AFF3: variants seen among roughly 807,000 people sequenced by gnomAD.
AFF3 encodes the protein ALF transcription elongation factor 3, also known as AF4/FMR2 family member 3.
A neutral mutation model predicts 129.7 loss-of-function variants in AFF3; 32 were observed. That is an observed-to-expected ratio of 0.25 (90% CI 0.19 to 0.33). The LOEUF (loss-of-function observed/expected upper bound fraction) is 0.33. AFF3 is among the 10% of genes least tolerant of loss of function. The pLI, the probability that AFF3 is intolerant of heterozygous loss-of-function variation, is 1.00. For missense variants in AFF3, 1,373 were observed against 1,592.0 expected (o/e 0.86, Z 2.34); for synonymous variants, 644 against 635.4 (o/e 1.01, Z -0.20).
Position 99,650,014 on chromosome 2 carries a change from T to A in AFF3, c.1144-348A>T, listed in dbSNP as rs542511144. ...AAATCACTTTCCCATTGCTTTATTG[T>A]CCTTTCCTATAAGAAAACAAAAAGG... On this transcript the variant is annotated intron_variant, in intron 12 of 24. Transcript: ENST00000672756. Among the ~76,000 whole-genome samples, 7 of 152,320 alleles carry A rather than the reference T, an allele frequency of 4.6e-5. No individual in the cohort carries two copies. The South Asian group carries it at 1.4e-3, about 32-fold the overall frequency.
chr2:99,586,177 T>A (rs1280521589), intron 16 of AFF3, among the ~76,000 whole-genome samples: 2 of 152,206 alleles, frequency 1.3e-5, no homozygotes, highest in Non-Finnish European at 2.9e-5. Context: ...CATTTAAAAA[T>A]ATTTGGGGAC....
intron 4 of AFF3, among the ~76,000 whole-genome samples, chr2:100,015,946 G>T (rs1406876623): frequency 6.6e-6 from 1 of 152,160 alleles, no homozygotes; most frequent in Non-Finnish European, 1.5e-5. Context: ...TGATGGTGGT[G>T]GTGGTGGTGA....
intron 13 of AFF3, among the ~76,000 whole-genome samples, chr2:99,619,673 G>T (rs1190281317): frequency 1.3e-5 from 2 of 152,168 alleles, no homozygotes; most frequent in Non-Finnish European, 2.9e-5. Context: ...CAAGGACTTG[G>T]GCTCTGTCTG....
chr2:99,772,618 A>G (rs1168912277), intron 8 of AFF3, among the ~76,000 whole-genome samples: 1 of 152,200 alleles, frequency 6.6e-6, no homozygotes, highest in East Asian at 1.9e-4. Flanking sequence ...GGTGGCAATT[A>G]AAAGAAAAAT....
At chr2:99,781,605 T>A (rs1684415440) in intron 8 of AFF3, among the ~76,000 whole-genome samples, 1 of 152,216 alleles carries the variant, frequency 6.6e-6, no homozygotes, top group African/African-American at 2.4e-5. Context: ...AATTGAGTTG[T>A]CACATCAGAG....
chr2:99,801,081 G>A (rs971358598), intron 8 of AFF3, among the ~76,000 whole-genome samples: 8 of 152,012 alleles, frequency 5.3e-5, no homozygotes, highest in Admixed American at 2.0e-4. Flanking sequence ...TATTTTCACC[G>A]GTATATACCA....
chr2:99,966,743 G>A (rs1281230235), intron 7 of AFF3, among the ~76,000 whole-genome samples: 2 of 139,396 alleles, frequency 1.4e-5, no homozygotes, highest in Non-Finnish European at 3.1e-5. Context: ...AATGACAGAG[G>A]ATATAATCAG....
intron 4 of AFF3, among the ~76,000 whole-genome samples, chr2:100,012,971 A>C (rs1478314790): frequency 6.6e-6 from 1 of 152,218 alleles, no homozygotes; most frequent in Non-Finnish European, 1.5e-5. Flanking sequence ...TTTATTTTGC[A>C]TGAAAGTGGA....
At chr2:99,782,001 C>A (rs949747026) in intron 8 of AFF3, among the ~76,000 whole-genome samples, 6 of 152,170 alleles carry the variant, frequency 3.9e-5, no homozygotes, top group Admixed American at 1.3e-4. Context: ...CAAGCTTATA[C>A]AGAACTTTAT....
chr2:100,120,831 T>G (rs1042367383), intron 2 of AFF3, among the ~76,000 whole-genome samples: 2 of 151,810 alleles, frequency 1.3e-5, no homozygotes, highest in Non-Finnish European at 2.9e-5. Flanking sequence ...GAGATGGGAG[T>G]CTCCCTATGT....
At chr2:99,940,916 TTC>T (rs974568471) in intron 7 of AFF3, among the ~76,000 whole-genome samples, 1 of 152,138 alleles carries the variant, frequency 6.6e-6, no homozygotes, top group Non-Finnish European at 1.5e-5. Flanking sequence ...GTGATTTTTT[TTC>T]TGTTTGTCAT....
At chr2:99,610,173 C>T (rs1467782606) in intron 13 of AFF3, among the ~76,000 whole-genome samples, 6 of 152,144 alleles carry the variant, frequency 3.9e-5, no homozygotes, top group East Asian at 1.9e-4. Flanking sequence ...TTCACACGGA[C>T]GCGCTTGACA....
intron 10 of AFF3, among the ~76,000 whole-genome samples, chr2:99,741,706 T>C (rs929261307): frequency 1.3e-5 from 2 of 151,822 alleles, no homozygotes; most frequent in African/African-American, 4.8e-5. Context: ...CTTCACAGAA[T>C]TGGAAAAAAC....
At position 100,134,378 on chromosome 2, in the gene AFF3, A is replaced by T. The variant is rs564760903; in HGVS notation, c.-227-5072T>A. Among the ~76,000 whole-genome samples the T allele has an allele frequency of 6.6e-5, 10 of 152,116 alleles. No homozygotes were observed. The South Asian group carries it at 2.1e-3, about 32-fold the overall frequency. On this transcript the variant is annotated intron_variant, in intron 1 of 24. Coordinates refer to ENST00000672756, the MANE Select transcript of AFF3 (RefSeq NM_001386135.1). ...TCCCAACTGCTTATTAGGCATCTGT[A>T]TTTTTTTTCTGAATTTATTTGACAG...
At position 99,554,702 on chromosome 2, in the gene AFF3, G is replaced by A; in HGVS notation, c.3316C>T (p.Pro1106Ser). The change falls in exon 23 of 25, where the codon CCG (proline) becomes TCG (serine). Residue 1106 changes from proline (P) to serine (S), a missense_variant. Physicochemically the swap from Pro to Ser is moderately conservative, Grantham distance 74. Transcript: ENST00000672756. ...NSSKAAQAPS[P>S]WGASGKSTGT... Reference sequence around the variant, plus strand: ...ACTTACTTTCCACTGGCCCCCCACGGAGATGGGGCTTGGGCGGCTTTAGAT... The same window carrying A: ...ACTTACTTTCCACTGGCCCCCCACGAAGATGGGGCTTGGGCGGCTTTAGAT... The A allele has an allele frequency of 6.2e-7, 1 of 1,614,230 alleles. No homozygotes were observed. Among genetic ancestry groups the A allele is most frequent in the Non-Finnish European group, 8.5e-7 (1 of 1,180,046 alleles).
At chr2:99,551,900 A>C (rs376450202) in intron 24 of AFF3, among the ~76,000 whole-genome samples, 1 of 151,874 alleles carries the variant, frequency 6.6e-6, no homozygotes, top group Non-Finnish European at 1.5e-5. Flanking sequence ...AATGCTTCCC[A>C]CTCCTGAACG....
At chr2:99,909,834 G>A (rs910323838) in intron 7 of AFF3, among the ~76,000 whole-genome samples, 1 of 152,036 alleles carries the variant, frequency 6.6e-6, no homozygotes, top group Non-Finnish European at 1.5e-5. Flanking sequence ...TTCAGAATGT[G>A]CTGAGTTTTT....
At chr2:99,835,971 T>C (rs1014189223) in intron 8 of AFF3, among the ~76,000 whole-genome samples, 1 of 152,220 alleles carries the variant, frequency 6.6e-6, no homozygotes, top group Non-Finnish European at 1.5e-5. Context: ...AATGAGCTTT[T>C]GATTGTGACA....
At chr2:99,968,641 G>A (rs1469636334) in intron 7 of AFF3, among the ~76,000 whole-genome samples, 1 of 152,142 alleles carries the variant, frequency 6.6e-6, no homozygotes, top group African/African-American at 2.4e-5. Context: ...TAGCATGCAG[G>A]AACATCAAGA....
Sources: allele counts gnomAD v4.1 joint callset (sites outside exome capture counted in the v4.1 genomes callset), GRCh38; gene constraint gnomAD v4.1.1; transcripts MANE v1.5; gene names NCBI Gene and HGNC (gene_info 2026-07-23, HGNC 2026-07-21).